The following FBXW8 variants were observed in gnomAD, a reference collection of about 807,000 sequenced individuals.
FBXW8 encodes F-box/WD repeat-containing protein 8.
Under a neutral mutation model 65.3 loss-of-function variants are expected in FBXW8, and 57 were observed. The observed-to-expected ratio is 0.87, with a 90% CI of 0.71 to 1.09. FBXW8 has a LOEUF of 1.09. FBXW8 is among the 50% of genes least tolerant of loss of function. The pLI, the probability that FBXW8 is intolerant of heterozygous loss-of-function variation, is 0.00. For synonymous variants in FBXW8, 308 were observed against 330.2 expected, an observed-to-expected ratio of 0.93 and a Z score of 0.73; for missense variants, 777 against 814.8, an observed-to-expected ratio of 0.95 and a Z score of 0.57.
At position 117,001,389 on chromosome 12, in the gene FBXW8, G is replaced by A. The variant is rs190810878; in HGVS notation, c.1240-8934G>A. Among the ~76,000 whole-genome samples the A allele has an allele frequency of 2.0e-4, 31 of 152,022 alleles. No homozygotes were observed. In the East Asian group the frequency reaches 5.6e-3, roughly 28 times the overall value. ...GAAGCTTTTGTCCAGTCTAACTTTGGGCCAAACTAGAAGTTGCCAGGCTAG... is the reference window on the plus strand; with the variant it reads ...GAAGCTTTTGTCCAGTCTAACTTTGAGCCAAACTAGAAGTTGCCAGGCTAG... On this transcript the variant is annotated intron_variant, in intron 7 of 10. Transcript: ENST00000652555.
intron 4 of FBXW8, chr12:116,951,271 A>G (rs904999121): frequency 1.3e-5 from 2 of 152,180 alleles, no homozygotes; most frequent in Admixed American, 1.3e-4. Context: ...GAGAGACTTC[A>G]GTCTTGCTTG....
At chr12:116,928,803 C>T (rs1881542422) in intron 2 of FBXW8, among the ~76,000 whole-genome samples, 1 of 151,984 alleles carries the variant, frequency 6.6e-6, no homozygotes, top group Admixed American at 6.6e-5. Flanking sequence ...TGCGGTGGGG[C>T]CTGACAGTCA....
intron 7 of FBXW8, among the ~76,000 whole-genome samples, chr12:116,993,754 G>T (rs1953308705): frequency 6.6e-6 from 1 of 152,070 alleles, no homozygotes; most frequent in South Asian, 2.1e-4. Context: ...GTTTAATTAG[G>T]TGTCATTTAT....
rs887885053 is a variant in FBXW8 at position 116,949,954 on chromosome 12, T to C, written c.677+248T>C. On this transcript the variant is annotated intron_variant, in intron 4 of 10. Transcript: ENST00000652555. ...TTTGTCTCAATATGTCTTTCCCAGC[T>C]TTTAAATCACTCTTGTGGCATGTTA... 5 of 456,194 alleles carry C rather than the reference T, an allele frequency of 1.1e-5. No individual in the cohort carries two copies. The South Asian group carries it at 1.4e-4, about 12-fold the overall frequency. The allele number at this position is 456,194 out of a possible 1,614,324, so 28.3% of individuals were successfully genotyped here. A position where few individuals can be genotyped will look rare whatever the true frequency, so the allele number is the denominator to read the frequency against.
Position 116,985,287 on chromosome 12 carries a change from C to G in FBXW8, c.917C>G (p.Ala306Gly). ...CACGATGCAAGAATACAGGCACTAG[C>G]CCTCAGCCAGGACGATGCAACCGTG... The part of the protein sequence containing the change: ...FEHDARIQAL[A>G]LSQDDATVAT... The change falls in exon 6 of 11, where the codon GCC becomes GGC. Residue 306 changes from alanine to glycine, a missense_variant. By Grantham distance (60) the Ala-to-Gly change is moderately conservative. Transcript: ENST00000652555. 1 of 1,614,214 alleles carries G rather than the reference C, an allele frequency of 6.2e-7. No individual in the cohort carries two copies. Among genetic ancestry groups the G allele is most frequent in the Non-Finnish European group, 8.5e-7 (1 of 1,180,028 alleles).
intron 1 of FBXW8, among the ~76,000 whole-genome samples, chr12:116,924,153 CATTTTCAT>C (rs1881136057): frequency 4.5e-5 from 1 of 22,282 alleles, no homozygotes; most frequent in Admixed American, 1.7e-3. Context: ...ACAGGTTGTC[CATTTTCAT>C]GTTTTTAAGT....
intron 3 of FBXW8, among the ~76,000 whole-genome samples, chr12:116,948,033 T>A (rs1200208298): frequency 6.6e-6 from 1 of 152,178 alleles, no homozygotes; most frequent in Non-Finnish European, 1.5e-5. Flanking sequence ...GCGATTTGGT[T>A]TGGTACCTCT....
intron 7 of FBXW8, among the ~76,000 whole-genome samples, chr12:117,001,621 TTA>T (rs1473754649): frequency 2.6e-5 from 4 of 152,218 alleles, no homozygotes; most frequent in Non-Finnish European, 5.9e-5. Context: ...AAGATAGATA[TTA>T]TAACCTTCTC....
At chr12:116,984,224 GCTC>G (rs1233053180) in intron 5 of FBXW8, among the ~76,000 whole-genome samples, 3 of 152,334 alleles carry the variant, frequency 2.0e-5, no homozygotes, top group Middle Eastern at 3.4e-3. Flanking sequence ...AAAAGCATAA[GCTC>G]CTGTAGACCA....
intron 10 of FBXW8, 113 bp downstream of exon 10, chr12:117,027,617 C>T: frequency 1.2e-6 from 1 of 829,560 alleles, no homozygotes; most frequent in Non-Finnish European, 2.0e-6. Context: ...TCAGGCAGGG[C>T]CCTGCCTTTC....
chr12:116,980,896 T>A (rs930662161), intron 5 of FBXW8, among the ~76,000 whole-genome samples: 11 of 152,216 alleles, frequency 7.2e-5, no homozygotes, highest in African/African-American at 2.7e-4. Flanking sequence ...CCAGTGTGTG[T>A]TTTATGAAAA....
At chr12:116,927,200 CTG>C (rs1040120445) in intron 1 of FBXW8, among the ~76,000 whole-genome samples, 13 of 152,058 alleles carry the variant, frequency 8.5e-5, no homozygotes, top group African/African-American at 3.1e-4. Context: ...GGCTTTTTTT[CTG>C]TTTCACACTC....
chr12:116,970,526 C>T (rs979571899), intron 5 of FBXW8, among the ~76,000 whole-genome samples: 9 of 152,146 alleles, frequency 5.9e-5, no homozygotes, highest in South Asian at 2.1e-4. Context: ...TGCTTTTTAG[C>T]GGTGAACAGT....
At chr12:116,986,251 C>T (rs1361964631) in intron 6 of FBXW8, 1 of 152,204 alleles carries the variant, frequency 6.6e-6, no homozygotes, top group African/African-American at 2.4e-5. Context: ...CACTGCTTCA[C>T]CTCCAGGAGC....
chr12:117,015,609 C>T (rs1387648601), intron 8 of FBXW8, among the ~76,000 whole-genome samples: 1 of 152,178 alleles, frequency 6.6e-6, no homozygotes, highest in Admixed American at 6.5e-5. Context: ...AAATGTCAGG[C>T]TGTAACTGGG....
chr12:116,963,119 T>TTGGCTCTTTATCCCACATGCGCACTC (rs1884085622), intron 4 of FBXW8, among the ~76,000 whole-genome samples: 1 of 152,186 alleles, frequency 6.6e-6, no homozygotes, highest in South Asian at 2.1e-4. Context: ...TCTCTCCCGT[T>TTGGCTCTTTATCCCACATGCGCACTC]TGGCTCTTTA....
At chr12:116,931,905 G>T (rs926997951) in intron 2 of FBXW8, among the ~76,000 whole-genome samples, 2 of 152,046 alleles carry the variant, frequency 1.3e-5, no homozygotes, top group Non-Finnish European at 2.9e-5. Context: ...GAAATGGTGA[G>T]AGTGTGCATC....
chr12:116,995,951 A>G (rs1284170008), intron 7 of FBXW8, among the ~76,000 whole-genome samples: 1 of 152,192 alleles, frequency 6.6e-6, no homozygotes, highest in Non-Finnish European at 1.5e-5. Context: ...ATGATACCAT[A>G]TAATCTTTAT....
At chr12:117,026,550 C>G (rs1954233412) in intron 9 of FBXW8, among the ~76,000 whole-genome samples, 1 of 152,160 alleles carries the variant, frequency 6.6e-6, no homozygotes, top group African/African-American at 2.4e-5. Flanking sequence ...TTGCTTTAGT[C>G]AAGGAGAGCA....
Sources: gnomAD v4.1 joint callset for allele counts (sites outside exome capture counted in the v4.1 genomes callset) on GRCh38, gnomAD v4.1.1 for gene constraint, MANE v1.5 for transcripts, NCBI Gene and HGNC (gene_info 2026-07-23, HGNC 2026-07-21) for gene names.